Variants in FAM221A observed in about 807,000 individuals in gnomAD.
FAM221A encodes the protein protein FAM221A.
In FAM221A, 43 loss-of-function variants were observed where a neutral mutation model predicts 37.6. The observed-to-expected ratio is 1.15, with a 90% CI of 0.90 to 1.48. The LOEUF is 1.48. FAM221A is among the 40% of genes most tolerant of loss of function. The pLI is 0.00. For missense variants in FAM221A, 361 were observed against 361.5 expected (o/e 1.00, Z 0.01); for synonymous variants, 135 against 132.9 (o/e 1.02, Z -0.11).
chr7:23,684,112 C>G (rs995477043), intron 1 of FAM221A, among the ~76,000 whole-genome samples: 1 of 152,066 alleles, frequency 6.6e-6, no homozygotes, highest in Non-Finnish European at 1.5e-5. Context: ...CTTCAGACCC[C>G]CAGTAAACTT....
At chr7:23,681,697 C>T (rs567469483) in intron 1 of FAM221A, among the ~76,000 whole-genome samples, 1 of 152,194 alleles carries the variant, frequency 6.6e-6, no homozygotes, top group African/African-American at 2.4e-5. Context: ...CCTGGGCCAC[C>T]GCGCCCGGCT....
intron 4 of FAM221A, among the ~76,000 whole-genome samples, chr7:23,697,255 C>G (rs762089258): frequency 3.3e-5 from 5 of 152,210 alleles, no homozygotes; most frequent in Non-Finnish European, 1.5e-5. Context: ...ACTGAGCAAT[C>G]GTCCCACACT....
chr7:23,698,395 AC>A, intron 5 of FAM221A, 96 bp downstream of exon 5: 1 of 712,364 alleles, frequency 1.4e-6, no homozygotes, highest in Non-Finnish European at 2.4e-6. Flanking sequence ...TTTCATTATT[AC>A]GATAATTTAA....
At chr7:23,699,993 A>G (rs1785308710) in intron 5 of FAM221A, among the ~76,000 whole-genome samples, 1 of 152,188 alleles carries the variant, frequency 6.6e-6, no homozygotes, top group African/African-American at 2.4e-5. Context: ...TTCCAGAGGA[A>G]TGGGTGGATA....
intron 1 of FAM221A, among the ~76,000 whole-genome samples, chr7:23,682,442 T>A (rs537598571): frequency 0.019 from 2,562 of 135,098 alleles, 33 homozygotes; most frequent in African/African-American, 0.035. Flanking sequence ...TATTATTATT[T>A]TTTTTTTTAG....
At chr7:23,699,199 C>A (rs573182691) in intron 5 of FAM221A, among the ~76,000 whole-genome samples, 88 of 150,224 alleles carry the variant, frequency 5.9e-4, no homozygotes, top group African/African-American at 2.1e-3. Flanking sequence ...CTCACTGTTA[C>A]CTTGAACTCC....
chr7:23,698,911 A>G (rs756916496), intron 5 of FAM221A, among the ~76,000 whole-genome samples: 10 of 152,202 alleles, frequency 6.6e-5, no homozygotes, highest in East Asian at 1.9e-4. Flanking sequence ...ATGATAAAAT[A>G]TATATACAAG....
chr7:23,702,197 G>C lies in FAM221A; in HGVS notation c.*33G>C. On this transcript the variant is annotated 3_prime_UTR_variant, in exon 7 of 7. Coordinates refer to ENST00000344962, the MANE Select transcript of FAM221A (RefSeq NM_199136.5). ...TGGAGAAATTAAAACCATCATCCAA[G>C]TATCTTTTTCATGTTTATTTAAATG... The C allele has an allele frequency of 7.2e-7, 1 of 1,383,418 alleles. No homozygotes were observed. The highest frequency in any genetic ancestry group is 9.9e-7 in the Non-Finnish European group (1 of 1,009,370). The allele number at this position is 1,383,418 out of a possible 1,614,324, so 85.7% of individuals were successfully genotyped here.
Position 23,689,413 on chromosome 7 carries a change from C to T in FAM221A, c.384C>T (p.His128=). 1 of 1,605,292 alleles carries T rather than the reference C, an allele frequency of 6.2e-7. No individual in the cohort carries two copies. Among genetic ancestry groups the T allele is most frequent in the Non-Finnish European group, 8.5e-7 (1 of 1,173,112 alleles). The change falls in exon 3 of 7, where the codon CAC becomes CAT. Residue 128 remains histidine, a synonymous_variant. Coordinates refer to ENST00000344962, the MANE Select transcript of FAM221A (RefSeq NM_199136.5). ...GSQPIRCRCK[H]FADQHSAAPG... ...AGCCCATTCGCTGCAGGTGCAAACA[C>T]TTTGCTGATCAGCACAGTGCTGCGC...
chr7:23,683,959 A>C (rs1784210951), intron 1 of FAM221A, among the ~76,000 whole-genome samples: 1 of 152,232 alleles, frequency 6.6e-6, no homozygotes, highest in African/African-American at 2.4e-5. Flanking sequence ...ATAAATGATT[A>C]ACTTCTAATC....
intron 4 of FAM221A, chr7:23,692,133 TGTA>T: frequency 1.2e-6 from 1 of 859,778 alleles, no homozygotes; most frequent in Non-Finnish European, 1.4e-6. Flanking sequence ...ACATATATGT[TGTA>T]AATAATGTAG....
At chr7:23,685,109 C>T (rs1159638377) in intron 2 of FAM221A, among the ~76,000 whole-genome samples, 3 of 152,124 alleles carry the variant, frequency 2.0e-5, no homozygotes, top group South Asian at 2.1e-4. Context: ...ATTAGCCGGG[C>T]GTGGTGGCAC....
At chr7:23,696,193 T>A (rs1785050368) in intron 4 of FAM221A, among the ~76,000 whole-genome samples, 1 of 152,220 alleles carries the variant, frequency 6.6e-6, no homozygotes, top group Admixed American at 6.5e-5. Context: ...TAGACAATTG[T>A]AACACAATAG....
At chr7:23,700,639 A>G (rs1174967700) in intron 5 of FAM221A, 147 bp from the exon 6 acceptor site, 1 of 552,436 alleles carries the variant, frequency 1.8e-6, no homozygotes, top group East Asian at 2.9e-5. Flanking sequence ...AAAGAGAATG[A>G]GGTAGTAGGA....
chr7:23,700,105 T>C (rs947407252), intron 5 of FAM221A, among the ~76,000 whole-genome samples: 14 of 152,158 alleles, frequency 9.2e-5, no homozygotes, highest in African/African-American at 2.9e-4. Flanking sequence ...TGTCTGGAGT[T>C]ACATGTTGCT....
At chr7:23,691,322 G>C in intron 3 of FAM221A, 68 bp from the exon 4 acceptor site, 3 of 1,507,440 alleles carry the variant, frequency 2.0e-6, no homozygotes, top group Non-Finnish European at 2.8e-6. Context: ...CTTTTGCCAG[G>C]CTAAGTGTCT....
In FAM221A at chr7:23,690,395, G is replaced by A. The variant is rs373673803; in HGVS notation, c.430+936G>A. ...AATTTTTGTATTTTTAGTAGAGACG[G>A]GGTTTTGCCATGTTGGTCAGGCTGT... On this transcript the variant is annotated intron_variant, in intron 3 of 6. Coordinates refer to ENST00000344962, the MANE Select transcript of FAM221A (RefSeq NM_199136.5). Among the ~76,000 whole-genome samples, 16 of 151,562 alleles carry A rather than the reference G, an allele frequency of 1.1e-4. 2 individuals are homozygous for A. The highest frequency in any genetic ancestry group is 9.2e-4 in the Admixed American group (14 of 15,202).
chr7:23,693,844 C>CT (rs1241040262), intron 4 of FAM221A: 1 of 152,160 alleles, frequency 6.6e-6, no homozygotes, highest in Non-Finnish European at 1.5e-5. Context: ...TTTTATTTTA[C>CT]TTTAAGTTCT....
downstream of FAM221A, chr7:23,703,038 A>G (rs1785545977): frequency 6.6e-6 from 1 of 152,226 alleles, no homozygotes; most frequent in South Asian, 2.1e-4. Context: ...GAAGCCCAAT[A>G]CATAAGTGCT....
Sources: gnomAD v4.1 joint callset for allele counts (sites outside exome capture counted in the v4.1 genomes callset) on GRCh38, gnomAD v4.1.1 for gene constraint, MANE v1.5 for transcripts, NCBI Gene and HGNC (gene_info 2026-07-23, HGNC 2026-07-21) for gene names.